XPO1: variants seen among roughly 807,000 people sequenced by gnomAD.
XPO1 encodes exportin 1.
A neutral mutation model predicts 133.3 loss-of-function variants in XPO1; 5 were observed. That is an observed-to-expected ratio of 0.04 (90% CI 0.02 to 0.08). The LOEUF is 0.08. Ranked by LOEUF, XPO1 falls within the 10% of genes least tolerant of loss-of-function variation. The pLI, the probability that XPO1 is intolerant of heterozygous loss-of-function variation, is 1.00. For synonymous variants in XPO1, 419 were observed against 408.2 expected, an observed-to-expected ratio of 1.03 and a Z score of -0.32; for missense variants, 506 against 1,267.5, an observed-to-expected ratio of 0.40 and a Z score of 9.12.
chr2:61,492,528 T>A lies in XPO1; in HGVS notation c.1566+39A>T. On this transcript the variant is annotated intron_variant, in intron 14 of 24. Transcript: ENST00000401558. This position sits in a 1 kb window ranked among gnomAD's most constrained non-coding sequence, Gnocchi z 5.6. ...ATTATTTATTGTAACAACATAATAC[T>A]TATTTAGCAATTCTAATTCATACCT... The A allele has an allele frequency of 6.3e-7, 1 of 1,594,896 alleles. No homozygotes were observed. The highest frequency in any genetic ancestry group is 8.5e-7 in the Non-Finnish European group (1 of 1,173,170).
intron 4 of XPO1, among the ~76,000 whole-genome samples, chr2:61,503,289 C>G (rs888201242): frequency 7.9e-5 from 12 of 151,810 alleles, no homozygotes; most frequent in African/African-American, 2.9e-4. Flanking sequence ...CAGTCTTGCT[C>G]TGTTGCCCAG....
At chr2:61,485,563 AAGTCTCACTATATT>A (rs1367949655) in intron 20 of XPO1, 191 bp downstream of exon 20, 5 of 276,946 alleles carry the variant, frequency 1.8e-5, no homozygotes, top group African/African-American at 9.0e-5. Flanking sequence ...TGTAGAGATG[AAGTCTCACTATATT>A]GCCCAGGTTG....
chr2:61,490,493 C>A (rs771681596), intron 17 of XPO1, 149 bp downstream of exon 17: 26 of 1,184,304 alleles, frequency 2.2e-5, no homozygotes, highest in Non-Finnish European at 2.9e-5. Context: ...GCCACCACAC[C>A]TCGCCCAGAT....
intron 4 of XPO1, among the ~76,000 whole-genome samples, chr2:61,521,886 CCT>C (rs752245212): frequency 3.4e-4 from 52 of 151,462 alleles, no homozygotes; most frequent in East Asian, 5.9e-4. Context: ...CACTGATACC[CCT>C]GTCCCCGCCG....
At chr2:61,513,316 G>A (rs1010712245) in intron 4 of XPO1, among the ~76,000 whole-genome samples, 3 of 146,396 alleles carry the variant, frequency 2.0e-5, no homozygotes, top group African/African-American at 7.6e-5. Flanking sequence ...AGATCTTAAT[G>A]CAAAAGCTAA....
chr2:61,527,652 T>A (rs1221684867), intron 2 of XPO1, among the ~76,000 whole-genome samples: 2 of 152,176 alleles, frequency 1.3e-5, no homozygotes, highest in African/African-American at 4.8e-5. Flanking sequence ...AATACTTACA[T>A]ACCATTTGAG....
At chr2:61,516,914 T>A (rs1181101477) in intron 4 of XPO1, among the ~76,000 whole-genome samples, 2 of 152,186 alleles carry the variant, frequency 1.3e-5, no homozygotes, top group East Asian at 1.9e-4. Flanking sequence ...TAATTAATTA[T>A]TTTTTAATTT....
intron 3 of XPO1, chr2:61,525,958 T>C (rs1698890954): frequency 9.5e-7 from 1 of 1,055,680 alleles, no homozygotes; most frequent in Admixed American, 5.5e-5. Flanking sequence ...GGACCAGAAT[T>C]ATAACATTTT....
Position 61,494,570 on chromosome 2 carries a change from A to G in XPO1, c.1048-479T>C, listed in dbSNP as rs115342835. The G allele has an allele frequency of 8.4e-3, 1,347 of 159,670 alleles. 19 individuals are homozygous for G. The highest frequency in any genetic ancestry group is 0.029 in the African/African-American group (1,207 of 41,578). The allele number at this position is 159,670 out of a possible 1,614,324, so 9.9% of individuals were successfully genotyped here. On this transcript the variant is annotated intron_variant, in intron 11 of 24. Transcript: ENST00000401558. ...AGGTCACATGCATGATTCCCTTTAT[A>G]TGGTATAATCAGAATAGATATATCT...
rs143930500 is a variant in XPO1 at position 61,482,932 on chromosome 2, C to T, written c.2812+25G>A. The T allele has an allele frequency of 1.5e-4, 247 of 1,612,804 alleles. No homozygotes were observed. The African/African-American group carries it at 3.0e-3, about 20-fold the overall frequency. ...GGCCCTGTGCCCAGCTGGCACTTAA[C>T]ATTTAAATCGTATTAAATTCTTACC... On this transcript the variant is annotated intron_variant, in intron 22 of 24. Transcript: ENST00000401558.
At position 61,485,813 on chromosome 2, in the gene XPO1, T is replaced by A; in HGVS notation, c.2463A>T (p.Gln821His). ...LGGHITAEIP[Q>H]IFDAVFECTL... ...TGCATTCAAAAACAGCATCAAATAT[T>A]TGAGGTATTTCAGCTGTTATATGTC... The change falls in exon 20 of 25, where the codon CAA (glutamine) becomes CAT (histidine). Residue 821 changes from glutamine (Q) to histidine (H), a missense_variant. Around this residue, in one of 6 missense-constraint regions of XPO1, gnomAD observed 203 missense variants for 365.9 expected, o/e 0.55. Transcript: ENST00000401558. 1.2e-6 allele frequency: 2 copies of A among 1,613,780 alleles called. No individual in the cohort carries two copies. Among genetic ancestry groups the A allele is most frequent in the South Asian group, 2.2e-5 (2 of 90,978 alleles).
rs765593809 is a variant in XPO1, at chr2:61,492,710, T to C, written c.1423A>G (p.Ile475Val). ...TGATTGTGAAGCTTCTCTGTCATTA[T>C]TCTTTCTGTATCTACATAATCCAGA... ...THLDYVDTER[I>V]MTEKLHNQVN... The change falls in exon 14 of 25, where the codon ATA (isoleucine) becomes GTA (valine). Residue 475 changes from isoleucine (I) to valine (V), a missense_variant. By Grantham distance (29) the Ile-to-Val change is conservative (BLOSUM62 3). Around this residue, in one of 6 missense-constraint regions of XPO1, gnomAD observed 21 missense variants for 198.1 expected, o/e 0.11. Coordinates refer to ENST00000401558, the MANE Select transcript of XPO1 (RefSeq NM_003400.4). The surrounding 1 kb of genome is among the most constrained non-coding windows in gnomAD (Gnocchi z 5.6). 4 of 1,613,800 alleles carry C rather than the reference T, an allele frequency of 2.5e-6. 1 individual carries two copies. The South Asian group carries it at 4.4e-5, about 18-fold the overall frequency.
At chr2:61,529,690 T>G (rs1483780110) in intron 2 of XPO1, among the ~76,000 whole-genome samples, 1 of 151,264 alleles carries the variant, frequency 6.6e-6, no homozygotes, top group African/African-American at 2.4e-5. Context: ...AAGAAAGAAA[T>G]TATATGCTTA....
intron 2 of XPO1, among the ~76,000 whole-genome samples, chr2:61,529,019 G>A (rs1388329807): frequency 1.3e-5 from 2 of 151,442 alleles, no homozygotes; most frequent in Non-Finnish European, 2.9e-5. Context: ...ACCAGCCTGG[G>A]CAACAAAGAA....
chr2:61,531,142 A>T (rs1331675796), intron 2 of XPO1, among the ~76,000 whole-genome samples: 1 of 152,194 alleles, frequency 6.6e-6, no homozygotes, highest in East Asian at 1.9e-4. Context: ...ACCCCCAAGG[A>T]GGTGGTAAAC....
intron 9 of XPO1, among the ~76,000 whole-genome samples, chr2:61,497,880 G>A (rs1697321686): frequency 6.6e-6 from 1 of 152,186 alleles, no homozygotes; most frequent in Admixed American, 6.5e-5. Flanking sequence ...CTGTAGGACT[G>A]TTGACAATAG....
intron 4 of XPO1, among the ~76,000 whole-genome samples, chr2:61,511,362 G>A (rs571119740): frequency 6.6e-6 from 1 of 152,156 alleles, no homozygotes; most frequent in African/African-American, 2.4e-5. Flanking sequence ...CCCAACCTCA[G>A]GTGATCTGCC....
At position 61,530,728 on chromosome 2, in the gene XPO1, TAAAA is replaced by T. The variant is rs201428574; in HGVS notation, c.126+3040_126+3043del. Among the ~76,000 whole-genome samples the T allele has an allele frequency of 2.8e-4, 40 of 141,640 alleles. 1 individual carries two copies. Among genetic ancestry groups the T allele is most frequent in the Admixed American group, 1.5e-3 (21 of 14,098 alleles). 92.9% of individuals were successfully genotyped at this position (141,640 alleles called of 152,430 possible). A position where few individuals can be genotyped will look rare whatever the true frequency, so the allele number is the denominator to read the frequency against. The stretch of plus-strand genomic sequence containing the variant: ...CCCTCCCCCAAGTTACACATTCCTT[TAAAA>T]AAAAAAAAACCTACCTACAGCTTTT... On this transcript the variant is annotated intron_variant, in intron 2 of 24. Coordinates refer to ENST00000401558, the MANE Select transcript of XPO1 (RefSeq NM_003400.4).
At position 61,490,724 on chromosome 2, in the gene XPO1, T is replaced by C; in HGVS notation, c.1940A>G (p.Gln647Arg). ...VGYMIGAQTD[Q>R]TVQEHLIEKY... ...TTCTATCAAGTGTTCTTGTACTGTT[T>C]GATCTGTTTGTGCACCAATCATGTA... Residue 647 changes from glutamine (Q) to arginine (R), a missense_variant, in exon 17 of 25, where the codon CAA becomes CGA. By Grantham distance (43) the Gln-to-Arg change is conservative. Around this residue, in one of 6 missense-constraint regions of XPO1, gnomAD observed 60 missense variants for 211.0 expected, o/e 0.28. Transcript: ENST00000401558. 6.2e-7 allele frequency: 1 copy of C among 1,614,246 alleles called. No individual in the cohort carries two copies. Among genetic ancestry groups the C allele is most frequent in the Non-Finnish European group, 8.5e-7 (1 of 1,180,052 alleles).
Sources: gnomAD v4.1 joint callset for allele counts (sites outside exome capture counted in the v4.1 genomes callset) on GRCh38, gnomAD v4.1.1 for gene constraint, gnomAD v4.1.1 regional missense constraint, Gnocchi (gnomAD v3.1) non-coding constraint, MANE v1.5 for transcripts, NCBI Gene and HGNC (gene_info 2026-07-23, HGNC 2026-07-21) for gene names.